The following MINAR1 variants were observed in gnomAD, a reference collection of about 807,000 sequenced individuals.
MINAR1 encodes the protein membrane integral NOTCH2 associated receptor 1, also known as major intrinsically disordered Notch2-binding receptor 1.
A neutral mutation model predicts 65.1 loss-of-function variants in MINAR1; 40 were observed. That is an observed-to-expected ratio of 0.61 (90% confidence interval 0.48 to 0.80). The LOEUF (loss-of-function observed/expected upper bound fraction) is 0.80. MINAR1 is among the 30% of genes least tolerant of loss of function. The probability of loss-of-function intolerance (pLI) is 0.00; values close to 1 mark genes in which losing one functional copy is unlikely to be tolerated. For synonymous variants in MINAR1, 482 were observed against 449.1 expected, an observed-to-expected ratio of 1.07 and a Z score of -0.93; for missense variants, 1,128 against 1,148.0, an observed-to-expected ratio of 0.98 and a Z score of 0.25.
chr15:79,427,309 G>A, the MINAR1 span: 1 of 152,154 alleles, frequency 6.6e-6, no homozygotes, highest in Non-Finnish European at 1.5e-5. Flanking sequence ...GAAAAATAAT[G>A]AGTACTAGGC....
intron 1 of MINAR1, among the ~76,000 whole-genome samples, chr15:79,448,687 A>G (rs1567053694): frequency 2.6e-5 from 4 of 152,200 alleles, no homozygotes; most frequent in South Asian, 2.1e-4. Flanking sequence ...CGTATTGGAA[A>G]GGTTTGATAA....
chr15:79,471,843 T>C lies in MINAR1; in HGVS notation c.*3459T>C, dbSNP rs945775391. ...ATATTATAACCAACCTGCAAGAATA[T>C]TGTGGTCAATTGTGTGAATACCAAA... is the stretch of plus-strand genomic sequence containing the variant. On this transcript the variant is annotated 3_prime_UTR_variant, in exon 4 of 4. Coordinates refer to ENST00000305428, the MANE Select transcript of MINAR1 (RefSeq NM_015206.3). The C allele has an allele frequency of 2.0e-5, 3 of 152,560 alleles. No individual in the cohort carries two copies. The highest frequency in any genetic ancestry group is 1.9e-4 in the East Asian group (1 of 5,196). The allele number at this position is 152,560 out of a possible 1,614,324, so 9.5% of individuals were successfully genotyped here.
At chr15:79,433,141 C>A (rs1008555116) in intron 1 of MINAR1, among the ~76,000 whole-genome samples, 1 of 152,180 alleles carries the variant, frequency 6.6e-6, no homozygotes, top group African/African-American at 2.4e-5. Context: ...CGCTCACACG[C>A]GGTCCAACTC....
At chr15:79,450,051 T>C (rs1179773131) in intron 1 of MINAR1, among the ~76,000 whole-genome samples, 2 of 152,224 alleles carry the variant, frequency 1.3e-5, no homozygotes, top group Admixed American at 6.5e-5. Flanking sequence ...TATGCTCCTC[T>C]GGCACTTGAC....
rs1460345325 is a variant in MINAR1 at position 79,469,824 on chromosome 15, T to TA, written c.*1441dup. 6.5e-6 allele frequency: 1 copy of TA among 152,678 alleles called. No homozygotes were observed. The highest frequency in any genetic ancestry group is 1.5e-5 in the Non-Finnish European group (1 of 68,044). 9.5% of individuals were successfully genotyped at this position (152,678 alleles called of 1,614,324 possible). A position where few individuals can be genotyped will look rare whatever the true frequency, so the allele number is the denominator to read the frequency against. On this transcript the variant is annotated 3_prime_UTR_variant, in exon 4 of 4. Transcript: ENST00000305428. ...TATATTTTTTGATAATAAGGTGGGA[T>TA]ATAAATAGATTTTGGTAGCAAGTGT...
chr15:79,450,888 G>A (rs1042602221), intron 1 of MINAR1, among the ~76,000 whole-genome samples: 7 of 152,176 alleles, frequency 4.6e-5, no homozygotes, highest in African/African-American at 1.4e-4. Context: ...ATGAGTGACA[G>A]CTGTTATTTG....
At position 79,458,271 on chromosome 15, in the gene MINAR1, C is replaced by T. The variant is rs1895514380; in HGVS notation, c.2124C>T (p.Ser708=). 6.2e-7 allele frequency: 1 copy of T among 1,614,038 alleles called. No individual in the cohort carries two copies. The highest frequency in any genetic ancestry group is 8.5e-7 in the Non-Finnish European group (1 of 1,180,038). The change falls in exon 2 of 4, where the codon TCC becomes TCT. Residue 708 remains serine, a synonymous_variant. Transcript: ENST00000305428. The stretch of plus-strand genomic sequence containing the variant: ...AAAAAAGCCTCTTCACCAGGCCATC[C>T]TCTAGGTCCCTAACAGAGGAGAACA... ...ALKKSLFTRP[S]SRSLTEENSA...
In MINAR1 at chr15:79,456,098, A is replaced by G; in HGVS notation, c.-50A>G. On this transcript the variant is annotated splice_region_variant and 5_prime_UTR_variant, in exon 2 of 4. Transcript: ENST00000305428. ...CTCTTTCTCAATATTGCCACCACAG[A>G]ACTGACCTGAAGTTTCAGTGTAGTC... 2 of 1,577,080 alleles carry G rather than the reference A, an allele frequency of 1.3e-6. No individual in the cohort carries two copies. Among genetic ancestry groups the G allele is most frequent in the Non-Finnish European group, 1.7e-6 (2 of 1,158,152 alleles).
At chr15:79,466,186 G>A (rs1381241153) in intron 3 of MINAR1, among the ~76,000 whole-genome samples, 3 of 152,152 alleles carry the variant, frequency 2.0e-5, no homozygotes, top group Non-Finnish European at 2.9e-5. Flanking sequence ...CATGTAACTT[G>A]AGAAATTAAA....
At chr15:79,416,334 G>T in the MINAR1 span, 1 of 152,206 alleles carries the variant, frequency 6.6e-6, no homozygotes, top group African/African-American at 2.4e-5. Flanking sequence ...GAAATTTCTT[G>T]CCTGGCACAT....
chr15:79,432,297 G>GGTGGGCGCCGCGCGT (rs1257951617), upstream of MINAR1, among the ~76,000 whole-genome samples: 26 of 151,630 alleles, frequency 1.7e-4, no homozygotes, highest in Admixed American at 9.8e-4. Flanking sequence ...ACTGCAGCCA[G>GGTGGGCGCCGCGCGT]GTGGGCGCCG....
chr15:79,425,023 CTTT>C, the MINAR1 span: 6 of 150,364 alleles, frequency 4.0e-5, no homozygotes, highest in Non-Finnish European at 8.9e-5. Flanking sequence ...CATGGTTCTT[CTTT>C]TGTTTGTTTG....
the MINAR1 span, chr15:79,421,226 G>T: frequency 6.6e-6 from 1 of 152,202 alleles, no homozygotes; most frequent in Non-Finnish European, 1.5e-5. Flanking sequence ...CTGTCAAAGT[G>T]CTATGAAAGT....
At chr15:79,444,853 AATGTGT>A (rs1894969085) in intron 1 of MINAR1, among the ~76,000 whole-genome samples, 4 of 151,906 alleles carry the variant, frequency 2.6e-5, no homozygotes, top group African/African-American at 9.7e-5. Context: ...ACTTGAAAAG[AATGTGT>A]ATTCTTGGGT....
At chr15:79,448,525 T>C (rs1218647019) in intron 1 of MINAR1, among the ~76,000 whole-genome samples, 5 of 152,074 alleles carry the variant, frequency 3.3e-5, no homozygotes, top group African/African-American at 9.7e-5. Flanking sequence ...AAGACAAAAT[T>C]CAAAACAAGC....
In MINAR1 at chr15:79,471,531, T is replaced by A. The variant is rs1309904107; in HGVS notation, c.*3147T>A. On this transcript the variant is annotated 3_prime_UTR_variant, in exon 4 of 4. Transcript: ENST00000305428. ...TCCATTACTAGCTGATCATAAATTG[T>A]TAGTATTTTAAGGTATGCAACTATG... The A allele has an allele frequency of 1.3e-5, 2 of 152,554 alleles. No individual in the cohort carries two copies. Among genetic ancestry groups the A allele is most frequent in the East Asian group, 3.8e-4 (2 of 5,204 alleles). 9.5% of individuals were successfully genotyped at this position (152,554 alleles called of 1,614,324 possible).
At chr15:79,428,652 T>C (rs1438210860), upstream of MINAR1, among the ~76,000 whole-genome samples, 1 of 152,160 alleles carries the variant, frequency 6.6e-6, no homozygotes, top group Non-Finnish European at 1.5e-5. Context: ...TGAAATCTCT[T>C]ATTACACTTT....
At chr15:79,453,851 G>A (rs546167250) in intron 1 of MINAR1, among the ~76,000 whole-genome samples, 2 of 152,344 alleles carry the variant, frequency 1.3e-5, no homozygotes, top group South Asian at 2.1e-4. Context: ...ATGCAAAGTA[G>A]GATAGAAAGT....
chr15:79,413,908 A>G, the MINAR1 span: 1 of 152,230 alleles, frequency 6.6e-6, no homozygotes, highest in African/African-American at 2.4e-5. Context: ...TATGATGGAT[A>G]TTAATTGTTT....
Sources: gnomAD v4.1 joint callset for allele counts (sites outside exome capture counted in the v4.1 genomes callset) on GRCh38, gnomAD v4.1.1 for gene constraint, MANE v1.5 for transcripts, NCBI Gene and HGNC (gene_info 2026-07-23, HGNC 2026-07-21) for gene names.